Variants in LCK observed in about 807,000 individuals in gnomAD.
LCK encodes LCK proto-oncogene, Src family tyrosine kinase, also known as tyrosine-protein kinase Lck.
A neutral mutation model predicts 64.6 loss-of-function variants in LCK; 14 were observed. The observed-to-expected ratio is 0.22, with a 90% CI of 0.14 to 0.34. The LOEUF (loss-of-function observed/expected upper bound fraction) is 0.34, where lower values mean the gene tolerates loss of function less well. LCK is among the 10% of genes least tolerant of loss of function. LCK has a pLI of 1.00. For missense variants in LCK, 434 were observed against 668.1 expected (o/e 0.65, Z 3.86); for synonymous variants, 277 against 263.6 (o/e 1.05, Z -0.49).
At position 32,266,501 on chromosome 1, in the gene LCK, C is replaced by CA. The variant is rs1270322683; in HGVS notation, c.-5-7806dup. Among the ~76,000 whole-genome samples the CA allele has an allele frequency of 9.2e-3, 565 of 61,736 alleles. 5 individuals are homozygous for CA. The highest frequency in any genetic ancestry group is 0.029 in the Middle Eastern group (2 of 70). 40.5% of individuals were successfully genotyped at this position (61,736 alleles called of 152,430 possible). On this transcript the variant is annotated intron_variant, in intron 1 of 12. Coordinates refer to ENST00000336890, the MANE Select transcript of LCK (RefSeq NM_005356.5). ...TGGGCAACAGAGCGAGACTCTGTCT[C>CA]AAAAAAAAAAAAAAAAAAGAGAGAT...
At chr1:32,268,880 G>A (rs1640002158) in intron 1 of LCK, among the ~76,000 whole-genome samples, 1 of 151,068 alleles carries the variant, frequency 6.6e-6, no homozygotes, top group African/African-American at 2.4e-5. Flanking sequence ...CTCATTGCCT[G>A]TAATCCCAGC....
At chr1:32,256,773 T>G (rs1023191971) in intron 1 of LCK, among the ~76,000 whole-genome samples, 1 of 152,172 alleles carries the variant, frequency 6.6e-6, no homozygotes, top group African/African-American at 2.4e-5. Context: ...AGTGTGGCAT[T>G]TCCTAAAATA....
Position 32,276,673 on chromosome 1 carries a change from C to A in LCK, c.851C>A (p.Ala284Asp), listed in dbSNP as rs142611772. 6.2e-7 allele frequency: 1 copy of A among 1,614,108 alleles called. No individual in the cohort carries two copies. The highest frequency in any genetic ancestry group is 8.5e-7 in the Non-Finnish European group (1 of 1,180,002). The stretch of plus-strand genomic sequence containing the variant: ...AAGCAGGGCAGCATGTCCCCGGACG[C>A]CTTCCTGGCCGAGGCCAACCTCATG... Reference protein sequence around the residue: ...SLKQGSMSPDAFLAEANLMKQ... With the variant: ...SLKQGSMSPDDFLAEANLMKQ... Residue 284 changes from alanine (A) to aspartate (D), a missense_variant, in exon 9 of 13, where the codon GCC (alanine) becomes GAC (aspartate). Physicochemically the swap from Ala to Asp is moderately radical, Grantham distance 126. This residue lies in a region of LCK where 201 missense variants were observed against 376.9 expected (regional missense o/e 0.53). Coordinates refer to ENST00000336890, the MANE Select transcript of LCK (RefSeq NM_005356.5). The surrounding 1 kb of genome is among the most constrained non-coding windows in gnomAD (Gnocchi z 4.6).
intron 2 of LCK, 98 bp from the exon 3 acceptor site, chr1:32,274,638 AC>A: frequency 9.3e-7 from 1 of 1,078,080 alleles, no homozygotes; most frequent in African/African-American, 1.6e-5. Context: ...ATAACATCTA[AC>A]CAGGCTGGAG....
intron 1 of LCK, among the ~76,000 whole-genome samples, chr1:32,259,199 C>G (rs1639702189): frequency 6.7e-6 from 1 of 149,186 alleles, no homozygotes; most frequent in African/African-American, 2.5e-5. Context: ...GAGTTTGAGA[C>G]TAGCCTGAGC....
chr1:32,282,722 C>T (rs1461917055), intron 12 of LCK, among the ~76,000 whole-genome samples: 2 of 152,064 alleles, frequency 1.3e-5, no homozygotes, highest in Non-Finnish European at 2.9e-5. Context: ...AAGAGAATCA[C>T]TTGAACCCTG....
intron 1 of LCK, among the ~76,000 whole-genome samples, chr1:32,265,073 G>A (rs535731698): frequency 3.1e-4 from 47 of 152,100 alleles, no homozygotes; most frequent in African/African-American, 8.9e-4. Flanking sequence ...TGGGCGTGGC[G>A]GCACGTGCCT....
chr1:32,267,493 G>A (rs1218563906), intron 1 of LCK, among the ~76,000 whole-genome samples: 1 of 152,158 alleles, frequency 6.6e-6, no homozygotes, highest in Non-Finnish European at 1.5e-5. Context: ...GGGCACGGTG[G>A]CTCACGTCTG....
chr1:32,267,662 G>A (rs1288226721), intron 1 of LCK, among the ~76,000 whole-genome samples: 12 of 152,058 alleles, frequency 7.9e-5, no homozygotes, highest in Non-Finnish European at 1.2e-4. Context: ...TTGAGAGGCC[G>A]AGGCGGGCAG....
At position 32,274,723 on chromosome 1, in the gene LCK, C is replaced by G; in HGVS notation, c.106-14C>G. The G allele has an allele frequency of 1.9e-6, 3 of 1,560,032 alleles. No individual in the cohort carries two copies. The highest frequency in any genetic ancestry group is 2.6e-6 in the Non-Finnish European group (3 of 1,148,894). ...TTCTGCTTTCTGACCCCACCCTCAT[C>G]CCCCACTCCACAGCTGCTCATCCGA... On this transcript the variant is annotated splice_polypyrimidine_tract_variant and intron_variant, in intron 2 of 12. Transcript: ENST00000336890.
At chr1:32,266,430 A>G (rs868319627) in intron 1 of LCK, among the ~76,000 whole-genome samples, 3 of 147,908 alleles carry the variant, frequency 2.0e-5, no homozygotes, top group South Asian at 2.2e-4. Flanking sequence ...CCCAGGAGGC[A>G]GAGCTTGCAG....
rs779398676 is a variant in LCK, at chr1:32,279,975, C to T, written c.1176C>T (p.Asn392=). Residue 392 remains asparagine, a synonymous_variant, in exon 11 of 13, where the codon AAC becomes AAT. Transcript: ENST00000336890. ...DFGLARLIED[N]EYTAREGAKF... is the part of the protein sequence containing the mutation. ...GCCTAGCACGCCTCATTGAGGACAA[C>T]GAGTACACAGCCAGGGAGGGTACGT... The T allele has an allele frequency of 1.1e-5, 18 of 1,614,014 alleles. No homozygotes were observed. Among genetic ancestry groups the T allele is most frequent in the South Asian group, 5.5e-5 (5 of 91,080 alleles).
intron 1 of LCK, among the ~76,000 whole-genome samples, chr1:32,259,512 C>A (rs1485280706): frequency 1.3e-5 from 2 of 151,520 alleles, no homozygotes; most frequent in African/African-American, 4.8e-5. Flanking sequence ...CCCAGCTCCT[C>A]GGGAGGCTGA....
intron 12 of LCK, among the ~76,000 whole-genome samples, chr1:32,282,850 A>G (rs540283283): frequency 6.6e-6 from 1 of 152,134 alleles, no homozygotes; most frequent in Admixed American, 6.6e-5. Flanking sequence ...AATTAAATGA[A>G]TAAATAAATA....
At chr1:32,255,408 A>C (rs1163861230) in intron 1 of LCK, among the ~76,000 whole-genome samples, 1 of 152,224 alleles carries the variant, frequency 6.6e-6, no homozygotes, top group Non-Finnish European at 1.5e-5. Flanking sequence ...AAATAGGCAT[A>C]TACTCTGCAT....
intron 1 of LCK, among the ~76,000 whole-genome samples, chr1:32,261,422 C>T (rs962890482): frequency 4.0e-5 from 6 of 151,204 alleles, no homozygotes; most frequent in Non-Finnish European, 5.9e-5. Flanking sequence ...CCGAGGTGGG[C>T]GGATCACGAA....
intron 1 of LCK, among the ~76,000 whole-genome samples, chr1:32,259,118 C>T (rs759725309): frequency 7.9e-5 from 12 of 151,614 alleles, no homozygotes; most frequent in Admixed American, 5.3e-4. Context: ...TAATTACTGA[C>T]GGGGCACGGT....
At chr1:32,266,605 G>A (rs544438889) in intron 1 of LCK, among the ~76,000 whole-genome samples, 4 of 127,898 alleles carry the variant, frequency 3.1e-5, no homozygotes, top group African/African-American at 1.3e-4. Context: ...CTCCTCCTCC[G>A]CCACCACCAC....
chr1:32,271,762 G>A (rs1640086215), intron 1 of LCK, among the ~76,000 whole-genome samples: 1 of 152,188 alleles, frequency 6.6e-6, no homozygotes, highest in Non-Finnish European at 1.5e-5. Flanking sequence ...GCATGTTCCA[G>A]TTGACATTTA....
Sources: allele counts gnomAD v4.1 joint callset (sites outside exome capture counted in the v4.1 genomes callset), GRCh38; gene constraint gnomAD v4.1.1; regional missense constraint gnomAD v4.1.1; non-coding constraint Gnocchi (gnomAD v3.1); transcripts MANE v1.5; gene names NCBI Gene and HGNC (gene_info 2026-07-23, HGNC 2026-07-21).